Variants in SLC9A4 observed in about 807,000 individuals in gnomAD.
SLC9A4 encodes the protein sodium/hydrogen exchanger 4.
SLC9A4 carries 63 observed loss-of-function variants against 67.4 expected under a neutral mutation model. The ratio of observed to expected loss-of-function variants is 0.93; its 90% CI spans 0.76 to 1.15. SLC9A4 has a LOEUF of 1.15. Among genes scored for constraint, SLC9A4 ranks in the 50% most tolerant of loss-of-function variants. The pLI is 0.00. For missense variants in SLC9A4, 1,089 were observed against 987.7 expected (o/e 1.10, Z -1.38); for synonymous variants, 393 against 367.2 (o/e 1.07, Z -0.80).
chr2:102,482,300 C>T (rs918151068), intron 2 of SLC9A4, among the ~76,000 whole-genome samples: 6 of 152,022 alleles, frequency 3.9e-5, no homozygotes, highest in Non-Finnish European at 5.9e-5. Flanking sequence ...GGGAGTTGAA[C>T]CTAGAAACCT....
intron 2 of SLC9A4, among the ~76,000 whole-genome samples, chr2:102,481,898 T>G (rs982389270): frequency 4.3e-5 from 1 of 23,418 alleles, no homozygotes; most frequent in Non-Finnish European, 8.4e-5. Flanking sequence ...AGCAAGATCT[T>G]TTTTTTTTTA....
At chr2:102,518,273 A>G (rs978972275) in intron 8 of SLC9A4, among the ~76,000 whole-genome samples, 1 of 152,196 alleles carries the variant, frequency 6.6e-6, no homozygotes, top group African/African-American at 2.4e-5. Context: ...CATTTCCTTT[A>G]TCAATGGTTT....
chr2:102,505,571 A>C (rs561784667), intron 4 of SLC9A4, 100 bp downstream of exon 4: 2 of 1,197,856 alleles, frequency 1.7e-6, no homozygotes, highest in African/African-American at 3.0e-5. Context: ...GTAGATGCTA[A>C]CTGGTTTTAC....
At chr2:102,477,480 A>G (rs527818333) in intron 1 of SLC9A4, among the ~76,000 whole-genome samples, 3 of 152,366 alleles carry the variant, frequency 2.0e-5, no homozygotes, top group Admixed American at 1.3e-4. Flanking sequence ...TGTGCTAAGC[A>G]TTTGGGGACA....
intron 6 of SLC9A4, among the ~76,000 whole-genome samples, chr2:102,509,278 G>A (rs886529153): frequency 7.2e-5 from 11 of 152,268 alleles, no homozygotes; most frequent in Middle Eastern, 3.4e-3. Flanking sequence ...TTCAGAGCCT[G>A]CAAAGGCTGC....
chr2:102,521,753 C>A (rs578169272), intron 9 of SLC9A4, among the ~76,000 whole-genome samples: 346 of 152,300 alleles, frequency 2.3e-3, no homozygotes, highest in Non-Finnish European at 4.0e-3. Context: ...TGTACATTAG[C>A]CATCCTGCAC....
chr2:102,518,144 C>A (rs1249486407), intron 8 of SLC9A4, among the ~76,000 whole-genome samples: 1 of 152,218 alleles, frequency 6.6e-6, no homozygotes. Flanking sequence ...ATACCTGGAG[C>A]ACCCATTCCA....
intron 3 of SLC9A4, 57 bp from the exon 4 acceptor site, chr2:102,505,197 G>T: frequency 6.5e-7 from 1 of 1,548,680 alleles, no homozygotes; most frequent in Non-Finnish European, 8.8e-7. Context: ...TGGGGAGGGC[G>T]TTTTGTGGAG....
intron 1 of SLC9A4, among the ~76,000 whole-genome samples, chr2:102,477,540 T>A (rs1263144014): frequency 6.6e-6 from 1 of 152,186 alleles, no homozygotes; most frequent in South Asian, 2.1e-4. Context: ...TCCACATTAG[T>A]AGGAGACATG....
intron 11 of SLC9A4, among the ~76,000 whole-genome samples, chr2:102,527,069 A>C (rs1200555848): frequency 2.6e-5 from 4 of 152,240 alleles, no homozygotes; most frequent in Admixed American, 6.5e-5. Flanking sequence ...TTACCTCAAA[A>C]TGAAACTTTT....
chr2:102,505,221 T>C (rs1216505154), intron 3 of SLC9A4, 33 bp from the exon 4 acceptor site: 7 of 1,599,196 alleles, frequency 4.4e-6, no homozygotes, highest in Non-Finnish European at 6.0e-6. Flanking sequence ...GAAAACCTCA[T>C]GGATTTTCTC....
intron 9 of SLC9A4, among the ~76,000 whole-genome samples, chr2:102,521,871 A>G (rs1254284146): frequency 2.0e-5 from 3 of 152,224 alleles, no homozygotes; most frequent in African/African-American, 7.2e-5. Flanking sequence ...GAGCAGGACC[A>G]GGATGAATGC....
Position 102,532,473 on chromosome 2 carries a change from C to T in SLC9A4, c.2182C>T (p.Gln728Ter). ...AAGGAAGGCATTCAGCTTTGGTTATCAAAGAAACACAAGCCAAGAAGAGTA... is the reference window on the plus strand; with the variant it reads ...AAGGAAGGCATTCAGCTTTGGTTATTAAAGAAACACAAGCCAAGAAGAGTA... ...RGRKAFSFGY[Q>*]RNTSQEEYLG... Residue 728 changes from glutamine to a stop codon, truncating the protein, a stop_gained, in exon 12 of 12, where the codon CAA (glutamine) becomes TAA (stop). Transcript: ENST00000295269. LOFTEE classifies it low-confidence loss of function (END_TRUNC). 6.2e-7 allele frequency: 1 copy of T among 1,614,118 alleles called. No homozygotes were observed. Among genetic ancestry groups the T allele is most frequent in the Non-Finnish European group, 8.5e-7 (1 of 1,180,028 alleles).
chr2:102,485,624 G>A (rs1231968883), intron 2 of SLC9A4, among the ~76,000 whole-genome samples: 4 of 152,170 alleles, frequency 2.6e-5, no homozygotes, highest in Non-Finnish European at 4.4e-5. Context: ...CATTGCGGAG[G>A]GGGCTGAGTC....
chr2:102,476,000 C>A (rs754163337), intron 1 of SLC9A4, among the ~76,000 whole-genome samples: 1 of 151,992 alleles, frequency 6.6e-6, no homozygotes, highest in Admixed American at 6.6e-5. Flanking sequence ...TTCTGAGAAC[C>A]CATGAAATAT....
At chr2:102,492,754 C>T (rs760924330) in intron 2 of SLC9A4, among the ~76,000 whole-genome samples, 5 of 152,176 alleles carry the variant, frequency 3.3e-5, no homozygotes, top group Admixed American at 1.3e-4. Flanking sequence ...CTCCTCATTA[C>T]TTGTGCAAAT....
At position 102,532,383 on chromosome 2, in the gene SLC9A4, C is replaced by T. The variant is rs201936592; in HGVS notation, c.2092C>T (p.Arg698Trp). The T allele has an allele frequency of 1.6e-5, 26 of 1,614,122 alleles. No individual in the cohort carries two copies. The highest frequency in any genetic ancestry group is 8.8e-5 in the South Asian group (8 of 91,060). ...SPSITFSACS[R>W]IGSLQKQEAQ... Reference sequence around the variant, plus strand: ...ATCCATCACGTTCAGCGCATGCTCTCGGATAGGGTCACTTCAGAAGCAAGA... The same window carrying T: ...ATCCATCACGTTCAGCGCATGCTCTTGGATAGGGTCACTTCAGAAGCAAGA... The change falls in exon 12 of 12, where the codon CGG becomes TGG. Residue 698 changes from arginine to tryptophan, a missense_variant. By Grantham distance (101) the Arg-to-Trp change is moderately radical (BLOSUM62 -3). Transcript: ENST00000295269.
intron 6 of SLC9A4, among the ~76,000 whole-genome samples, chr2:102,510,983 ACAATCATTTCCTGATTGG>A (rs1685154354): frequency 6.6e-6 from 1 of 152,220 alleles, no homozygotes; most frequent in Non-Finnish European, 1.5e-5. Context: ...GAGCATTCTG[ACAATCATTTCCTGATTGG>A]CACACCCGAA....
chr2:102,516,342 G>T (rs1558670678), intron 8 of SLC9A4, among the ~76,000 whole-genome samples: 1 of 152,054 alleles, frequency 6.6e-6, no homozygotes, highest in Non-Finnish European at 1.5e-5. Flanking sequence ...TACATATTTA[G>T]TATTTAAATT....
Sources: allele counts gnomAD v4.1 joint callset (sites outside exome capture counted in the v4.1 genomes callset), GRCh38; gene constraint gnomAD v4.1.1; transcripts MANE v1.5; gene names NCBI Gene and HGNC (gene_info 2026-07-23, HGNC 2026-07-21).